ANK1: variants seen among roughly 807,000 people sequenced by gnomAD.
ANK1 encodes the protein ankyrin 1, also known as ankyrin-1.
Under a neutral mutation model 210.4 loss-of-function variants are expected in ANK1, and 51 were observed. The ratio of observed to expected loss-of-function variants is 0.24; its 90% CI spans 0.19 to 0.31. The LOEUF (loss-of-function observed/expected upper bound fraction) is 0.31, where lower values mean the gene tolerates loss of function less well. Among genes scored for constraint, ANK1 ranks in the 10% least tolerant of loss-of-function variants. The probability of loss-of-function intolerance (pLI) is 1.00; values close to 1 mark genes in which losing one functional copy is unlikely to be tolerated. For missense variants in ANK1, 2,051 were observed against 2,504.4 expected (o/e 0.82, Z 3.86); for synonymous variants, 967 against 1,025.9 (o/e 0.94, Z 1.10).
intron 1 of ANK1, among the ~76,000 whole-genome samples, chr8:41,880,628 C>T (rs1364427195): frequency 6.6e-6 from 1 of 152,230 alleles, no homozygotes; most frequent in Non-Finnish European, 1.5e-5. Context: ...GGGCATCCAC[C>T]AAACCCCGCA....
chr8:41,736,162 G>T (rs947762729), intron 2 of ANK1, among the ~76,000 whole-genome samples: 1 of 152,206 alleles, frequency 6.6e-6, no homozygotes, highest in Non-Finnish European at 1.5e-5. Flanking sequence ...GGGAGAAAGT[G>T]CTTGAGGGCC....
At chr8:41,667,888 G>A (rs1300791360) in intron 39 of ANK1, among the ~76,000 whole-genome samples, 1 of 152,216 alleles carries the variant, frequency 6.6e-6, no homozygotes, top group South Asian at 2.1e-4. Context: ...ACCATAGGAG[G>A]AGAGTAAGCC....
rs768090314 is a variant in ANK1 at position 41,704,722 on chromosome 8, C to T, written c.2098-250G>A. Among the ~76,000 whole-genome samples, 24 of 152,016 alleles carry T rather than the reference C, an allele frequency of 1.6e-4. No homozygotes were observed. The highest frequency in any genetic ancestry group is 8.5e-4 in the Admixed American group (13 of 15,258). On this transcript the variant is annotated intron_variant, in intron 18 of 42. Transcript: ENST00000289734. This position sits in a 1 kb window ranked among gnomAD's most constrained non-coding sequence, Gnocchi z 4.1. ...CGCGAGAAGAGGGCTATGCTGGGGT[C>T]GTCAGTGCATGGGAGATCTGAGAGC...
chr8:41,735,378 C>T (rs1298471708), intron 2 of ANK1, among the ~76,000 whole-genome samples: 1 of 152,198 alleles, frequency 6.6e-6, no homozygotes, highest in African/African-American at 2.4e-5. Context: ...TTCCTGTCCT[C>T]CTCCTTCCCC....
In ANK1 at chr8:41,692,687, A is replaced by G. The variant is rs1167704101; in HGVS notation, c.3819T>C (p.His1273=). The G allele has an allele frequency of 1.2e-6, 2 of 1,611,422 alleles. No individual in the cohort carries two copies. The highest frequency in any genetic ancestry group is 4.5e-5 in the East Asian group (2 of 44,764). ...DDKVDKTLEQ[H]ENFVEVARSR... is the part of the protein sequence containing the mutation. ...TCCGGGCCACCTCCACGAAGTTCTC[A>G]TGCTGCTCCAGGGTCTTGTCCACTT... The change falls in exon 31 of 43, where the codon CAT becomes CAC. Residue 1273 remains histidine (H), a synonymous_variant. Coordinates refer to ENST00000289734, the MANE Select transcript of ANK1 (RefSeq NM_000037.4).
chr8:41,717,588 C>T lies in ANK1; in HGVS notation c.1305+16G>A. The T allele has an allele frequency of 6.5e-7, 1 of 1,549,244 alleles. No homozygotes were observed. Among genetic ancestry groups the T allele is most frequent in the Non-Finnish European group, 8.7e-7 (1 of 1,145,362 alleles). On this transcript the variant is annotated intron_variant, in intron 12 of 42. Coordinates refer to ENST00000289734, the MANE Select transcript of ANK1 (RefSeq NM_000037.4). ...TTGGTCTAGGGGAGCAAGCCCCTGC[C>T]TGCCTGAGGGCTTACCACGTTGGAG...
Position 41,704,916 on chromosome 8 carries a change from C to T in ANK1, c.2098-444G>A, listed in dbSNP as rs571925574. Among the ~76,000 whole-genome samples, 1 of 152,216 alleles carries T rather than the reference C, an allele frequency of 6.6e-6. No homozygotes were observed. Among genetic ancestry groups the T allele is most frequent in the Non-Finnish European group, 1.5e-5 (1 of 68,006 alleles). ...ACAGCCTTCAGGCCTGGGAAGGGTG[C>T]TGAGATGAGGGCAGATGGGGATGTG... On this transcript the variant is annotated intron_variant, in intron 18 of 42. Transcript: ENST00000289734. The surrounding 1 kb of genome is among the most constrained non-coding windows in gnomAD (Gnocchi z 4.1).
At chr8:41,847,603 C>T (rs139825093) in intron 1 of ANK1, among the ~76,000 whole-genome samples, 1 of 152,172 alleles carries the variant, frequency 6.6e-6, no homozygotes, top group African/African-American at 2.4e-5. Flanking sequence ...TGAAAGATTA[C>T]TCATCTTCAT....
chr8:41,773,728 C>T (rs919474936), intron 1 of ANK1, among the ~76,000 whole-genome samples: 2 of 152,148 alleles, frequency 1.3e-5, no homozygotes, highest in Non-Finnish European at 2.9e-5. Flanking sequence ...AACCCCCGCT[C>T]CCTCCTGCAT....
chr8:41,745,358 T>A (rs1238166564), intron 2 of ANK1, among the ~76,000 whole-genome samples: 1 of 152,214 alleles, frequency 6.6e-6, no homozygotes, highest in Non-Finnish European at 1.5e-5. Flanking sequence ...TACACTGGAC[T>A]GTCTGGGGAT....
At chr8:41,769,977 C>CTTTTTTTTTTTTTTTTTTTTTTTT (rs59542968) in intron 1 of ANK1, among the ~76,000 whole-genome samples, 4 of 86,650 alleles carry the variant, frequency 4.6e-5, no homozygotes, top group East Asian at 3.7e-4. Context: ...TTTCTTTTTT[C>CTTTTTTTTTTTTTTTTTTTTTTTT]TTTTTTTTTT....
At chr8:41,659,381 G>A (rs914551012) in intron 42 of ANK1, among the ~76,000 whole-genome samples, 2 of 152,188 alleles carry the variant, frequency 1.3e-5, no homozygotes, top group African/African-American at 4.8e-5. Flanking sequence ...GCACGGGTTG[G>A]GCGACTCAAA....
At chr8:41,656,821 G>A (rs1028343728) in intron 42 of ANK1, among the ~76,000 whole-genome samples, 1 of 152,134 alleles carries the variant, frequency 6.6e-6, no homozygotes, top group East Asian at 1.9e-4. Flanking sequence ...CAGCTCTTGG[G>A]TGGTTCCCCA....
chr8:41,833,482 G>C (rs917122396), intron 1 of ANK1, among the ~76,000 whole-genome samples: 1 of 152,204 alleles, frequency 6.6e-6, no homozygotes, highest in Non-Finnish European at 1.5e-5. Flanking sequence ...CTAAGCAGCT[G>C]GTCTCCATCT....
rs28480310 is a variant in ANK1, at chr8:41,820,967, C to T, written c.127-62830G>A. Among the ~76,000 whole-genome samples, 848 of 152,270 alleles carry T rather than the reference C, an allele frequency of 5.6e-3. 10 individuals are homozygous for T. Among genetic ancestry groups the T allele is most frequent in the African/African-American group, 0.019 (808 of 41,564 alleles). ...CTGGGCAGACAAAAAGTCCCTTGGG[C>T]AATAAAAGTTGTCTGGAGCAACTCT... On this transcript the variant is annotated intron_variant, in intron 1 of 42. Coordinates refer to the ANK1 transcript ENST00000265709.
At chr8:41,728,838 G>A (rs11989909) in intron 3 of ANK1, among the ~76,000 whole-genome samples, 79,018 of 152,218 alleles carry the variant, frequency 0.52, 21,061 homozygotes, top group Middle Eastern at 0.6. Flanking sequence ...CAGACAGCGC[G>A]TTGGCGTCCC....
At chr8:41,716,372 C>T (rs927567716) in intron 13 of ANK1, among the ~76,000 whole-genome samples, 2 of 152,112 alleles carry the variant, frequency 1.3e-5, no homozygotes, top group Admixed American at 6.6e-5. Context: ...CTTCCTGTTT[C>T]TGAATGCTGC....
intron 2 of ANK1, among the ~76,000 whole-genome samples, chr8:41,742,607 T>G (rs7836809): frequency 0.22 from 32,857 of 152,066 alleles, 4,453 homozygotes; most frequent in South Asian, 0.29. Context: ...CATATAACAC[T>G]CGGGAAACAC....
chr8:41,895,645 C>A (rs948473360), intron 1 of ANK1, among the ~76,000 whole-genome samples: 6 of 152,126 alleles, frequency 3.9e-5, no homozygotes, highest in Non-Finnish European at 5.9e-5. Flanking sequence ...GCTGGAGCAC[C>A]CGTGCCTGGC....
Sources: gnomAD v4.1 joint callset for allele counts (sites outside exome capture counted in the v4.1 genomes callset) on GRCh38, gnomAD v4.1.1 for gene constraint, Gnocchi (gnomAD v3.1) non-coding constraint, MANE v1.5 for transcripts, NCBI Gene and HGNC (gene_info 2026-07-23, HGNC 2026-07-21) for gene names.